The following TLE4 variants were observed in gnomAD, a reference collection of about 807,000 sequenced individuals.
The protein encoded by TLE4 is TLE family member 4, transcriptional corepressor, also known as transducin-like enhancer protein 4.
A neutral mutation model predicts 92.8 loss-of-function variants in TLE4; 8 were observed. The ratio of observed to expected loss-of-function variants is 0.09; its 90% CI spans 0.05 to 0.16. The LOEUF is 0.16. Among genes scored for constraint, TLE4 ranks in the 10% least tolerant of loss-of-function variants. The pLI, the probability that TLE4 is intolerant of heterozygous loss-of-function variation, is 1.00. For synonymous variants in TLE4, 371 were observed against 374.1 expected (o/e 0.99, Z 0.10); for missense variants, 675 against 997.6 (o/e 0.68, Z 4.36).
At chr9:79,676,679 C>T (rs1248187233) in intron 8 of TLE4, among the ~76,000 whole-genome samples, 1 of 152,044 alleles carries the variant, frequency 6.6e-6, no homozygotes, top group African/African-American at 2.4e-5. Flanking sequence ...TCAGGGGAGG[C>T]GTGGCCATCG....
At chr9:79,717,976 C>G (rs771520329) in intron 14 of TLE4, 2 of 456,616 alleles carry the variant, frequency 4.4e-6, no homozygotes, top group South Asian at 3.1e-5. Flanking sequence ...GGGAGACGCT[C>G]TTACTTAAGT....
intron 8 of TLE4, among the ~76,000 whole-genome samples, chr9:79,697,196 C>T (rs977791710): frequency 3.3e-5 from 5 of 152,108 alleles, no homozygotes; most frequent in Non-Finnish European, 5.9e-5. Flanking sequence ...ACTTTGCAAA[C>T]TTTGAGGAGG....
chr9:79,706,735 G>A lies in TLE4; in HGVS notation c.784-12G>A, dbSNP rs2071686418. The A allele has an allele frequency of 6.2e-7, 1 of 1,611,258 alleles. No homozygotes were observed. The highest frequency in any genetic ancestry group is 1.7e-4 in the Middle Eastern group (1 of 6,038). On this transcript the variant is annotated splice_polypyrimidine_tract_variant and intron_variant, in intron 10 of 19. Coordinates refer to ENST00000376552, the MANE Select transcript of TLE4 (RefSeq NM_007005.6). ...CTGTGCTTGCATTACTGTCCACGAT[G>A]TTCCTTTGTAGGATCCATCTTCCCC...
At chr9:79,716,991 T>G (rs561557756) in intron 14 of TLE4, among the ~76,000 whole-genome samples, 11 of 152,240 alleles carry the variant, frequency 7.2e-5, no homozygotes, top group Non-Finnish European at 1.6e-4. Context: ...CTTTCTATTT[T>G]ATTATCTCTG....
intron 5 of TLE4, among the ~76,000 whole-genome samples, chr9:79,615,642 TAAAA>T (rs11294346): frequency 1.3e-5 from 2 of 152,040 alleles, no homozygotes; most frequent in African/African-American, 4.8e-5. Context: ...TTTTTAAACT[TAAAA>T]AAACTATATA....
intron 8 of TLE4, among the ~76,000 whole-genome samples, chr9:79,700,076 A>G (rs2069368270): frequency 6.6e-6 from 1 of 152,172 alleles, no homozygotes; most frequent in South Asian, 2.1e-4. Flanking sequence ...ACTAAGTTGC[A>G]CTGTTGAGGG....
At chr9:79,690,600 A>G (rs1401084139) in intron 8 of TLE4, among the ~76,000 whole-genome samples, 1 of 151,570 alleles carries the variant, frequency 6.6e-6, no homozygotes, top group Non-Finnish European at 1.5e-5. Flanking sequence ...TAGGTTACCT[A>G]AGACTCCTGC....
intron 6 of TLE4, among the ~76,000 whole-genome samples, chr9:79,647,359 T>C (rs908688871): frequency 1.3e-5 from 2 of 152,154 alleles, no homozygotes; most frequent in Non-Finnish European, 2.9e-5. Flanking sequence ...TAGTGGTAGT[T>C]ATATTTAAGC....
At chr9:79,589,591 T>G (rs924981119) in intron 4 of TLE4, among the ~76,000 whole-genome samples, 9 of 152,116 alleles carry the variant, frequency 5.9e-5, no homozygotes, top group Non-Finnish European at 1.3e-4. Flanking sequence ...AGAAATTTCT[T>G]TATGTGAGAC....
intron 4 of TLE4, among the ~76,000 whole-genome samples, chr9:79,610,821 AG>A (rs1240346492): frequency 6.6e-6 from 1 of 152,040 alleles, no homozygotes; most frequent in East Asian, 1.9e-4. Context: ...CAGATGAATA[AG>A]TTTCCTTAGA....
chr9:79,683,511 T>G (rs781250103), intron 8 of TLE4, among the ~76,000 whole-genome samples: 1 of 152,192 alleles, frequency 6.6e-6, no homozygotes, highest in South Asian at 2.1e-4. Context: ...TCAACAATGA[T>G]CCATGTCTAA....
At chr9:79,628,000 A>G (rs2053100998) in intron 6 of TLE4, among the ~76,000 whole-genome samples, 1 of 152,158 alleles carries the variant, frequency 6.6e-6, no homozygotes, top group African/African-American at 2.4e-5. Context: ...CTTCCTGGCA[A>G]TAGTGGCATT....
intron 19 of TLE4, among the ~76,000 whole-genome samples, chr9:79,723,739 T>C (rs2076008451): frequency 1.3e-5 from 2 of 152,174 alleles, no homozygotes; most frequent in Non-Finnish European, 2.9e-5. Flanking sequence ...AGTGGTATTA[T>C]CATAAAGTAG....
In TLE4 at chr9:79,672,836, G is replaced by T. The variant is rs565922803; in HGVS notation, c.609+18761G>T. ...ATAAGGGAAAGGAGCATGTGTTTCTGTAGCTCAGAAAACCCTAAGAGGAAG... is the reference window on the plus strand; with the variant it reads ...ATAAGGGAAAGGAGCATGTGTTTCTTTAGCTCAGAAAACCCTAAGAGGAAG... On this transcript the variant is annotated intron_variant, in intron 8 of 19. Transcript: ENST00000376552. 4.6e-5 allele frequency among the ~76,000 whole-genome samples: 7 copies of T among 152,258 alleles called. No individual in the cohort carries two copies. In the South Asian group the frequency reaches 1.2e-3, roughly 27 times the overall value.
chr9:79,676,987 C>T (rs1200271520), intron 8 of TLE4, among the ~76,000 whole-genome samples: 2 of 151,960 alleles, frequency 1.3e-5, no homozygotes, highest in African/African-American at 4.8e-5. Context: ...TGGTTTTAGC[C>T]ATGAATAAAA....
chr9:79,639,886 A>T (rs1420829476), intron 6 of TLE4, among the ~76,000 whole-genome samples: 1 of 152,166 alleles, frequency 6.6e-6, no homozygotes, highest in East Asian at 1.9e-4. Context: ...ATGACTATAG[A>T]TAGATACATA....
At chr9:79,702,139 G>A (rs1938180480) in intron 8 of TLE4, among the ~76,000 whole-genome samples, 1 of 152,200 alleles carries the variant, frequency 6.6e-6, no homozygotes, top group Admixed American at 6.5e-5. Context: ...AGAGCCCAGG[G>A]GAACACTGGC....
rs1203117967 is a variant in TLE4, at chr9:79,646,588, T to C, written c.391-6005T>C. On this transcript the variant is annotated intron_variant, in intron 6 of 19. Transcript: ENST00000376552. The stretch of plus-strand genomic sequence containing the variant: ...TATTTAAAGAAGATGTTTTCTAATA[T>C]GTTTTATTGACTAACCCTTATCAGT... 3.9e-5 allele frequency among the ~76,000 whole-genome samples: 6 copies of C among 152,218 alleles called. No homozygotes were observed. The South Asian group carries it at 6.2e-4, about 16-fold the overall frequency.
chr9:79,576,375 A>G (rs1286233356), intron 4 of TLE4, 198 bp downstream of exon 4: 1 of 367,484 alleles, frequency 2.7e-6, no homozygotes. Flanking sequence ...TTATAATTTA[A>G]AAATGTTATT....
Sources: allele counts gnomAD v4.1 joint callset (sites outside exome capture counted in the v4.1 genomes callset), GRCh38; gene constraint gnomAD v4.1.1; transcripts MANE v1.5; gene names NCBI Gene and HGNC (gene_info 2026-07-23, HGNC 2026-07-21).